The following ENG variants were observed in gnomAD, a reference collection of about 807,000 sequenced individuals.
ENG encodes endoglin.
In ENG, 17 loss-of-function variants were observed where a neutral mutation model predicts 71.0. The ratio of observed to expected loss-of-function variants is 0.24; its 90% CI spans 0.16 to 0.36. The LOEUF (loss-of-function observed/expected upper bound fraction) is 0.36. Among genes scored for constraint, ENG ranks in the 10% least tolerant of loss-of-function variants. ENG has a pLI of 1.00. For synonymous variants in ENG, 360 were observed against 366.9 expected (o/e 0.98, Z 0.21); for missense variants, 749 against 868.3 (o/e 0.86, Z 1.73).
chr9:127,837,774 G>GCATCCATCCATCCATC (rs5900769), intron 2 of ENG, among the ~76,000 whole-genome samples: 50 of 112,962 alleles, frequency 4.4e-4, no homozygotes, highest in Non-Finnish European at 7.3e-4. Flanking sequence ...ATGCATGAAT[G>GCATCCATCCATCCATC]CATCCATCCA....
chr9:127,840,670 C>G (rs1831009154), intron 2 of ENG, among the ~76,000 whole-genome samples: 1 of 152,176 alleles, frequency 6.6e-6, no homozygotes, highest in African/African-American at 2.4e-5. Context: ...ACACCAGATG[C>G]TATGCGAGGT....
intron 8 of ENG, among the ~76,000 whole-genome samples, chr9:127,823,430 C>T (rs1830518832): frequency 1.3e-5 from 2 of 151,342 alleles, no homozygotes; most frequent in Admixed American, 1.3e-4. Context: ...TCTCTGTCAC[C>T]CAAGCTGGAG....
Position 127,826,977 on chromosome 9 carries a change from G to GTC in ENG, c.361-307_361-306dup, listed in dbSNP as rs150688809. ...CCCACATCTACGCCATCCTGCGGCTGTCTCTCCCTATACCCTGAGGCTCTG... is the reference window on the plus strand; with the variant it reads ...CCCACATCTACGCCATCCTGCGGCTGTCTCTCTCCCTATACCCTGAGGCTCTG... On this transcript the variant is annotated intron_variant, in intron 3 of 14. Transcript: ENST00000373203. 0.012 allele frequency: 4,793 copies of GTC among 411,496 alleles called. 215 individuals are homozygous for GTC. Among genetic ancestry groups the GTC allele is most frequent in the African/African-American group, 0.09 (4,410 of 49,084 alleles). 25.5% of individuals were successfully genotyped at this position (411,496 alleles called of 1,614,324 possible).
chr9:127,843,123 C>G lies in ENG; in HGVS notation c.190G>C (p.Val64Leu). 1 of 1,614,194 alleles carries G rather than the reference C, an allele frequency of 6.2e-7. No individual in the cohort carries two copies. Among genetic ancestry groups the G allele is most frequent in the Non-Finnish European group, 8.5e-7 (1 of 1,180,014 alleles). Residue 64 changes from valine (V) to leucine (L), a missense_variant, in exon 2 of 15, where the codon GTC (valine) becomes CTC (leucine). Val to Leu is a conservative substitution (Grantham distance 32). Coordinates refer to ENST00000373203, the MANE Select transcript of ENG (RefSeq NM_001114753.3). ...GGGAACTCCAGGAAGAGGACATGGA[C>G]TTCAAGGATGGCATTGGGGGCCTGA... ...VAQAPNAILE[V>L]HVLFLEFPTG...
intron 3 of ENG, among the ~76,000 whole-genome samples, chr9:127,827,606 G>A (rs1335405376): frequency 6.6e-6 from 1 of 152,182 alleles, no homozygotes; most frequent in Non-Finnish European, 1.5e-5. Flanking sequence ...GAATGAAACA[G>A]CAGCAGCAGA....
Position 127,825,749 on chromosome 9 carries a change from A to G in ENG, c.635T>C (p.Val212Ala). Residue 212 changes from valine (V) to alanine (A), a missense_variant, in exon 5 of 15, where the codon GTG becomes GCG. By Grantham distance (64) the Val-to-Ala change is moderately conservative. Transcript: ENST00000373203. Reference sequence around the variant, plus strand: ...GATGTGCGCCTCCTTGTGGCCGGCCACGCCTTCCAAGTGGCAGCCCCGGAC... The same window carrying G: ...GATGTGCGCCTCCTTGTGGCCGGCCGCGCCTTCCAAGTGGCAGCCCCGGAC... ...ALVRGCHLEG[V>A]AGHKEAHILR... 2 of 1,599,720 alleles carry G rather than the reference A, an allele frequency of 1.3e-6. No individual in the cohort carries two copies. Among genetic ancestry groups the G allele is most frequent in the Non-Finnish European group, 1.7e-6 (2 of 1,175,206 alleles).
intron 2 of ENG, among the ~76,000 whole-genome samples, chr9:127,835,845 C>T (rs533852949): frequency 1.4e-4 from 21 of 152,260 alleles, no homozygotes; most frequent in African/African-American, 1.9e-4. Context: ...GCTGGAACTT[C>T]GGAATGTTTC....
Position 127,818,821 on chromosome 9 carries a change from G to A in ENG, c.1323C>T (p.His441=), listed in dbSNP as rs751203937. ...SSSSPQRKKV[H]CLNMDSLSFQ... ...AAGAGAGGCTGTCCATGTTGAGGCA[G>A]TGCACCTTTTTCTGGGGGAGGACGG... The change falls in exon 11 of 15, where the codon CAC becomes CAT. Residue 441 remains histidine, a synonymous_variant. Coordinates refer to ENST00000373203, the MANE Select transcript of ENG (RefSeq NM_001114753.3). The A allele has an allele frequency of 9.9e-6, 16 of 1,613,924 alleles. No homozygotes were observed. The highest frequency in any genetic ancestry group is 4.0e-5 in the African/African-American group (3 of 74,930).
chr9:127,825,057 C>T (rs1830573565), intron 6 of ENG, 83 bp from the exon 7 acceptor site: 8 of 1,585,360 alleles, frequency 5.0e-6, no homozygotes, highest in Admixed American at 3.4e-5. Flanking sequence ...TGCCAGGCCT[C>T]GGTCCTGCTG....
At chr9:127,826,418 T>G in intron 4 of ENG, 92 bp downstream of exon 4, 2 of 1,551,728 alleles carry the variant, frequency 1.3e-6, no homozygotes, top group Non-Finnish European at 1.8e-6. Context: ...CCTCCTGCAC[T>G]CTTGGTGCCC....
At chr9:127,842,993 C>T in intron 2 of ENG, 101 bp downstream of exon 2, 1 of 1,578,118 alleles carries the variant, frequency 6.3e-7, no homozygotes, top group Non-Finnish European at 8.7e-7. Flanking sequence ...AACGAGGACT[C>T]AGCCACTGCC....
intron 8 of ENG, chr9:127,821,615 C>T (rs1830467780): frequency 6.6e-6 from 1 of 151,928 alleles, no homozygotes; most frequent in African/African-American, 2.4e-5. Context: ...CCTGATTTCA[C>T]ACCTGTAATC....
intron 1 of ENG, among the ~76,000 whole-genome samples, chr9:127,843,957 G>A (rs1276485564): frequency 1.4e-5 from 2 of 147,280 alleles, no homozygotes; most frequent in African/African-American, 5.0e-5. Context: ...TTTTAGTAGC[G>A]ATGGGGTTTC....
chr9:127,842,999 C>T (rs1831076415), intron 2 of ENG, 95 bp downstream of exon 2: 1 of 1,591,242 alleles, frequency 6.3e-7, no homozygotes, highest in South Asian at 1.1e-5. Context: ...GACTCAGCCA[C>T]TGCCCCAGGG....
intron 7 of ENG, 87 bp downstream of exon 7, chr9:127,824,713 A>T: frequency 7.1e-7 from 1 of 1,402,824 alleles, no homozygotes; most frequent in Non-Finnish European, 9.4e-7. Flanking sequence ...TACCTTGCCC[A>T]AGCTCACACA....
intron 9 of ENG, 27 bp from the exon 10 acceptor site, chr9:127,819,687 T>G (rs1172350188): frequency 2.5e-6 from 4 of 1,599,780 alleles, no homozygotes; most frequent in Non-Finnish European, 3.4e-6. Context: ...AGGGAGCTGG[T>G]CAGAGCCAGA....
chr9:127,853,628 C>A (rs2131935505), intron 1 of ENG, among the ~76,000 whole-genome samples: 1 of 152,372 alleles, frequency 6.6e-6, no homozygotes, highest in East Asian at 1.9e-4. Flanking sequence ...GGGCAGGGCC[C>A]TGCAGCCTTG....
At chr9:127,843,385 C>G in intron 1 of ENG, 140 bp from the exon 2 acceptor site, 2 of 1,131,056 alleles carry the variant, frequency 1.8e-6, no homozygotes, top group Non-Finnish European at 2.6e-6. Flanking sequence ...AGGTGGATAT[C>G]ATTATATTCG....
In ENG at chr9:127,843,658, C is replaced by T. The variant is rs2417057; in HGVS notation, c.68-413G>A. 5.1e-4 allele frequency among the ~76,000 whole-genome samples: 70 copies of T among 137,496 alleles called. No homozygotes were observed. In the East Asian group the frequency reaches 8.7e-3, roughly 17 times the overall value. 90.2% of individuals were successfully genotyped at this position (137,496 alleles called of 152,430 possible). On this transcript the variant is annotated intron_variant, in intron 1 of 14. Transcript: ENST00000373203. ...GTGTGTGTGTATATATACATACACA[C>T]ACATATACATAGATCTACATATATA...
Sources: allele counts gnomAD v4.1 joint callset (sites outside exome capture counted in the v4.1 genomes callset), GRCh38; gene constraint gnomAD v4.1.1; transcripts MANE v1.5; gene names NCBI Gene and HGNC (gene_info 2026-07-23, HGNC 2026-07-21).